Variants in HERC2 observed in about 807,000 individuals in gnomAD.
HERC2 encodes HECT and RLD domain containing E3 ubiquitin protein ligase 2.
Under a neutral mutation model 537.7 loss-of-function variants are expected in HERC2, and 102 were observed. The observed-to-expected ratio is 0.19, with a 90% confidence interval of 0.16 to 0.22. The LOEUF (loss-of-function observed/expected upper bound fraction) is 0.22, where lower values mean the gene tolerates loss of function less well. HERC2 is among the 10% of genes least tolerant of loss of function. The pLI, the probability that HERC2 is intolerant of heterozygous loss-of-function variation, is 1.00. For missense variants in HERC2, 4,236 were observed against 6,198.2 expected, an observed-to-expected ratio of 0.68 and a Z score of 10.63; for synonymous variants, 2,224 against 2,466.2, an observed-to-expected ratio of 0.90 and a Z score of 2.91.
At position 28,269,407 on chromosome 15, in the gene HERC2, C is replaced by T; in HGVS notation, c.1287G>A (p.Gly429=). The change falls in exon 11 of 93, where the codon GGG becomes GGA. Residue 429 remains glycine, a synonymous_variant. Coordinates refer to ENST00000261609, the MANE Select transcript of HERC2 (RefSeq NM_004667.6). ...TGGCATAGTATTTCCATCCTATTAA[C>T]CCCCAACCTATGACCTCTTGCAATG... ...KGSLQEVIGW[G]LIGWKYYANV... 6.2e-7 allele frequency: 1 copy of T among 1,614,044 alleles called. No individual in the cohort carries two copies. Among genetic ancestry groups the T allele is most frequent in the Non-Finnish European group, 8.5e-7 (1 of 1,179,898 alleles).
chr15:28,302,188 T>TC (rs1567140910), intron 2 of HERC2, among the ~76,000 whole-genome samples: 1 of 148,716 alleles, frequency 6.7e-6, no homozygotes, highest in African/African-American at 2.5e-5. Context: ...TTCTACTCTA[T>TC]CTCCATGAGT....
intron 45 of HERC2, among the ~76,000 whole-genome samples, chr15:28,204,605 C>T (rs1488258164): frequency 5.2e-5 from 7 of 134,972 alleles, no homozygotes; most frequent in Non-Finnish European, 1.1e-4. Flanking sequence ...GGAGACAGAG[C>T]GAGACTCCGT....
Position 28,229,257 on chromosome 15 carries a change from G to A in HERC2, c.5210C>T (p.Ala1737Val). 6.2e-7 allele frequency: 1 copy of A among 1,613,718 alleles called. No homozygotes were observed. The highest frequency in any genetic ancestry group is 1.7e-4 in the Middle Eastern group (1 of 6,018). Reference sequence around the variant, plus strand: ...ATTTCGAATGTTCTGTACAGCCCAAGCGTACAGCTTGCCAAAGGTGACTTC... The same window carrying A: ...ATTTCGAATGTTCTGTACAGCCCAAACGTACAGCTTGCCAAAGGTGACTTC... ...LLEVTFGKLY[A>V]WAVQNIRNVL... Residue 1737 changes from alanine (A) to valine (V), a missense_variant, in exon 34 of 93, where the codon GCT becomes GTT. By Grantham distance (64) the Ala-to-Val change is moderately conservative. Coordinates refer to ENST00000261609, the MANE Select transcript of HERC2 (RefSeq NM_004667.6).
At chr15:28,232,167 T>C (rs1358052251) in intron 30 of HERC2, among the ~76,000 whole-genome samples, 2 of 152,202 alleles carry the variant, frequency 1.3e-5, no homozygotes, top group East Asian at 1.9e-4. Flanking sequence ...CATAAGCTTA[T>C]TGTTCAAAAT....
At position 28,256,094 on chromosome 15, in the gene HERC2, C is replaced by T; in HGVS notation, c.2741G>A (p.Cys914Tyr). The part of the protein sequence containing the change: ...RARALSALLP[C>Y]AVSGNEVNIS... ...TGTTCCTTCCCCAGGCCCACCTGCGCAGGGCAGGAGAGCAGAGAGTGCCCG... is the reference window on the plus strand; with the variant it reads ...TGTTCCTTCCCCAGGCCCACCTGCGTAGGGCAGGAGAGCAGAGAGTGCCCG... The change falls in exon 18 of 93, where the codon TGC (cysteine) becomes TAC (tyrosine). Residue 914 changes from cysteine (C) to tyrosine (Y), a missense_variant. Coordinates refer to ENST00000261609, the MANE Select transcript of HERC2 (RefSeq NM_004667.6). 3 of 1,603,546 alleles carry T rather than the reference C, an allele frequency of 1.9e-6. No individual in the cohort carries two copies. Among genetic ancestry groups the T allele is most frequent in the East Asian group, 2.2e-5 (1 of 44,836 alleles).
intron 16 of HERC2, among the ~76,000 whole-genome samples, chr15:28,258,490 A>AATC (rs1345304455): frequency 6.6e-6 from 1 of 152,070 alleles, no homozygotes; most frequent in African/African-American, 2.4e-5. Flanking sequence ...TAATAATAAT[A>AATC]ATCATCCATG....
At chr15:28,185,083 T>C (rs1896175279) in intron 56 of HERC2, among the ~76,000 whole-genome samples, 1 of 150,488 alleles carries the variant, frequency 6.6e-6, no homozygotes, top group African/African-American at 2.5e-5. Context: ...TAACATATAT[T>C]CTAGATAAGG....
chr15:28,190,683 T>C, intron 55 of HERC2: 2 of 488,562 alleles, frequency 4.1e-6, no homozygotes, highest in South Asian at 5.8e-5. Flanking sequence ...ATCAGCAACC[T>C]AAAATGCCTG....
chr15:28,254,453 T>G lies in HERC2; in HGVS notation c.2937A>C (p.Ser979=). The G allele has an allele frequency of 6.2e-7, 1 of 1,607,894 alleles. No homozygotes were observed. Among genetic ancestry groups the G allele is most frequent in the Non-Finnish European group, 8.5e-7 (1 of 1,178,062 alleles). Residue 979 remains serine (S), a synonymous_variant, in exon 20 of 93, where the codon TCA becomes TCC. Transcript: ENST00000261609. ...GTGGAGTCCTGCTTCTATGAAATGT[T>G]GAGGCATTCGCTTCCTGTTCATCAA... ...KEIDEQEANA[S]TFHRSRTPLD... is the part of the protein sequence containing the mutation.
chr15:28,172,154 A>G (rs562840073), intron 65 of HERC2, among the ~76,000 whole-genome samples: 1 of 152,258 alleles, frequency 6.6e-6, no homozygotes, highest in South Asian at 2.1e-4. Flanking sequence ...AAATAAAGAG[A>G]AACACTATGT....
rs576087493 is a variant in HERC2 at position 28,236,597 on chromosome 15, CT to C, written c.4003+365del. On this transcript the variant is annotated intron_variant, in intron 26 of 92. Transcript: ENST00000261609. ...TGAGCCACTGCCTGGCTATCTCCTA[CT>C]TTTTTTAAAGAGAGAGTCTTGCTCT... Among the ~76,000 whole-genome samples the C allele has an allele frequency of 9.7e-3, 1,472 of 151,654 alleles. 29 individuals are homozygous for C. Among genetic ancestry groups the C allele is most frequent in the African/African-American group, 0.032 (1,326 of 41,120 alleles).
chr15:28,125,419 G>A (rs951513517), intron 83 of HERC2, among the ~76,000 whole-genome samples: 2 of 152,146 alleles, frequency 1.3e-5, no homozygotes, highest in Admixed American at 1.3e-4. Context: ...TACTTCCCAG[G>A]ACTCTCCACA....
In HERC2 at chr15:28,254,323, C is replaced by T. The variant is rs1292936485; in HGVS notation, c.3050+17G>A. On this transcript the variant is annotated intron_variant, in intron 20 of 92. Transcript: ENST00000261609. Reference sequence around the variant, plus strand: ...TAAATAAATAACATATAATACAATACAGCTACTACGATTTACCTAAGAAGC... The same window carrying T: ...TAAATAAATAACATATAATACAATATAGCTACTACGATTTACCTAAGAAGC... 6.5e-7 allele frequency: 1 copy of T among 1,533,360 alleles called. No individual in the cohort carries two copies. 95.0% of individuals were successfully genotyped at this position (1,533,360 alleles called of 1,614,324 possible). A position where few individuals can be genotyped will look rare whatever the true frequency, so the allele number is the denominator to read the frequency against.
chr15:28,142,861 C>T lies in HERC2; in HGVS notation c.11510G>A (p.Gly3837Asp), dbSNP rs1891364247. 1 of 1,583,426 alleles carries T rather than the reference C, an allele frequency of 6.3e-7. No homozygotes were observed. Among genetic ancestry groups the T allele is most frequent in the African/African-American group, 1.4e-5 (1 of 74,072 alleles). Residue 3837 changes from glycine (G) to aspartate (D), a missense_variant, in exon 75 of 93, where the codon GGT (glycine) becomes GAT (aspartate). This residue lies in a region of HERC2 where 23 missense variants were observed against 60.0 expected (regional missense o/e 0.38). Transcript: ENST00000261609. ...TGGGCTGTGGAGCAGCTGTTTGCCA[C>T]CCCTCACAATAGGATCTTCATATTC... ...QFEYEDPIVR[G>D]GKQLLHSPFF...
At chr15:28,287,272 C>T (rs1360175238) in intron 4 of HERC2, among the ~76,000 whole-genome samples, 1 of 152,088 alleles carries the variant, frequency 6.6e-6, no homozygotes. Context: ...ATTCTAATAG[C>T]TACAAATTCC....
rs1286787915 is a variant in HERC2 at position 28,111,588 on chromosome 15, C to T, written c.*175G>A. Reference sequence around the variant, plus strand: ...GTCCACAGTGTTCCACGCGCACAGGCGGACCTTCTCACTGTCATTCCCATC... The same window carrying T: ...GTCCACAGTGTTCCACGCGCACAGGTGGACCTTCTCACTGTCATTCCCATC... On this transcript the variant is annotated 3_prime_UTR_variant, in exon 93 of 93. Coordinates refer to ENST00000261609, the MANE Select transcript of HERC2 (RefSeq NM_004667.6). The T allele has an allele frequency of 6.1e-6, 4 of 651,546 alleles. No individual in the cohort carries two copies. Among genetic ancestry groups the T allele is most frequent in the South Asian group, 2.0e-5 (1 of 51,142 alleles). 40.4% of individuals were successfully genotyped at this position (651,546 alleles called of 1,614,324 possible).
Position 28,130,373 on chromosome 15 carries a change from G to A in HERC2, c.12663-71C>T, listed in dbSNP as rs1025466862. On this transcript the variant is annotated intron_variant, in intron 82 of 92. Coordinates refer to ENST00000261609, the MANE Select transcript of HERC2 (RefSeq NM_004667.6). ...CTGACCACCCTGACCAGCCTCCTGG[G>A]CAGCCTCTGCTGTTCAGGACACAAC... The A allele has an allele frequency of 3.7e-6, 6 of 1,603,062 alleles. No homozygotes were observed. In the Admixed American group the frequency reaches 5.0e-5, roughly 13 times the overall value.
intron 35 of HERC2, among the ~76,000 whole-genome samples, chr15:28,225,285 G>C (rs1270498951): frequency 6.6e-6 from 1 of 151,070 alleles, no homozygotes; most frequent in Non-Finnish European, 1.5e-5. Context: ...ATACAAAGCA[G>C]AAAGAAGGAA....
chr15:28,246,189 T>G lies in HERC2; in HGVS notation c.3392-123A>C, dbSNP rs145735763. The G allele has an allele frequency of 7.1e-4, 454 of 636,226 alleles. 1 individual carries two copies. In the East Asian group the frequency reaches 9.1e-3, roughly 13 times the overall value. The allele number at this position is 636,226 out of a possible 1,614,324, so 39.4% of individuals were successfully genotyped here. On this transcript the variant is annotated intron_variant, in intron 22 of 92. Coordinates refer to ENST00000261609, the MANE Select transcript of HERC2 (RefSeq NM_004667.6). ...AGAAATGTTTGTCCTTTAGCATATT[T>G]CTAAAGAATTATCTTATATTTTATA...
Sources: allele counts gnomAD v4.1 joint callset (sites outside exome capture counted in the v4.1 genomes callset), GRCh38; gene constraint gnomAD v4.1.1; regional missense constraint gnomAD v4.1.1; transcripts MANE v1.5; gene names NCBI Gene and HGNC (gene_info 2026-07-23, HGNC 2026-07-21).